NACC2: variants seen among roughly 807,000 people sequenced by gnomAD.
NACC2 encodes nucleus accumbens-associated protein 2.
A neutral mutation model predicts 25.1 loss-of-function variants in NACC2; 8 were observed. The ratio of observed to expected loss-of-function variants is 0.32; its 90% CI spans 0.19 to 0.57. The LOEUF (loss-of-function observed/expected upper bound fraction) is 0.57, where lower values mean the gene tolerates loss of function less well. Ranked by LOEUF, NACC2 falls within the 20% of genes least tolerant of loss-of-function variation. The probability of loss-of-function intolerance (pLI) is 0.89; values close to 1 mark genes in which losing one functional copy is unlikely to be tolerated. For missense variants in NACC2, 644 were observed against 650.2 expected, an observed-to-expected ratio of 0.99 and a Z score of 0.10; for synonymous variants, 435 against 294.7, an observed-to-expected ratio of 1.48 and a Z score of -4.88.
intron 2 of NACC2, among the ~76,000 whole-genome samples, chr9:136,041,055 G>GAA (rs1366404761): frequency 6.7e-6 from 1 of 149,344 alleles, no homozygotes; most frequent in African/African-American, 2.5e-5. Context: ...AGGAAGGAAG[G>GAA]AAGGAAAGGA....
chr9:136,061,871 G>C (rs1841015144), intron 1 of NACC2, among the ~76,000 whole-genome samples: 1 of 152,158 alleles, frequency 6.6e-6, no homozygotes, highest in Non-Finnish European at 1.5e-5. Context: ...TGTAATCCCA[G>C]CACTTTGGGA....
At chr9:136,042,683 TACACACACAGAC>T (rs1279837762) in intron 2 of NACC2, among the ~76,000 whole-genome samples, 82 of 127,342 alleles carry the variant, frequency 6.4e-4, no homozygotes, top group Admixed American at 1.7e-3. Context: ...CACACAGACA[TACACACACAGAC>T]ACACACACAG....
chr9:136,087,720 A>G (rs374009705), intron 1 of NACC2, among the ~76,000 whole-genome samples: 53 of 152,104 alleles, frequency 3.5e-4, no homozygotes, highest in Middle Eastern at 6.8e-3. Flanking sequence ...GCACGGGGGG[A>G]AATGAGGCTC....
At chr9:136,088,314 G>C (rs909951449) in intron 1 of NACC2, among the ~76,000 whole-genome samples, 5 of 152,154 alleles carry the variant, frequency 3.3e-5, no homozygotes, top group African/African-American at 1.2e-4. Flanking sequence ...GGGACACACT[G>C]TACTCAGCAG....
intron 2 of NACC2, among the ~76,000 whole-genome samples, chr9:136,027,011 C>T (rs972051227): frequency 8.5e-5 from 13 of 152,122 alleles, no homozygotes; most frequent in Non-Finnish European, 1.9e-4. Context: ...GGGGGATCAC[C>T]CAAGGTCAGG....
In NACC2 at chr9:136,013,086, G is replaced by A. The variant is rs765946822; in HGVS notation, c.1255+113C>T. 78 of 813,412 alleles carry A rather than the reference G, an allele frequency of 9.6e-5. No individual in the cohort carries two copies. The Middle Eastern group carries it at 2.1e-3, about 22-fold the overall frequency. The allele number at this position is 813,412 out of a possible 1,614,324, so 50.4% of individuals were successfully genotyped here. ...CAATCAGACCATGCTCGGCCCCCAG[G>A]GACGGAAGCTGCAGGTGGCCGGGAG... On this transcript the variant is annotated intron_variant, in intron 5 of 5. Coordinates refer to ENST00000277554, the MANE Select transcript of NACC2 (RefSeq NM_144653.5). The surrounding 1 kb of genome is among the most constrained non-coding windows in gnomAD (Gnocchi z 6.6).
At position 136,049,644 on chromosome 9, in the gene NACC2, C is replaced by G; in HGVS notation, c.878G>C (p.Ser293Thr). The part of the protein sequence containing the change: ...YGQMYIKASG[S>T]YAVQEKPEPV... Reference sequence around the variant, plus strand: ...CCACCCCGCCGCGTTACCTGCATAGCTGCCGGAGGCCTTGATGTACATCTG... The same window carrying G: ...CCACCCCGCCGCGTTACCTGCATAGGTGCCGGAGGCCTTGATGTACATCTG... The change falls in exon 2 of 6, where the codon AGC becomes ACC. Residue 293 changes from serine (S) to threonine (T), a missense_variant. Transcript: ENST00000277554. 2 of 776,962 alleles carry G rather than the reference C, an allele frequency of 2.6e-6. No individual in the cohort carries two copies. Among genetic ancestry groups the G allele is most frequent in the South Asian group, 2.7e-5 (2 of 74,524 alleles). 48.1% of individuals were successfully genotyped at this position (776,962 alleles called of 1,614,324 possible).
At chr9:136,015,451 G>A (rs1840185436) in intron 3 of NACC2, among the ~76,000 whole-genome samples, 1 of 152,244 alleles carries the variant, frequency 6.6e-6, no homozygotes, top group Non-Finnish European at 1.5e-5. Context: ...CTCCCATGAG[G>A]ACCGAAGTCC....
At chr9:136,017,811 TCAA>T (rs1840225110) in intron 2 of NACC2, among the ~76,000 whole-genome samples, 1 of 43,572 alleles carries the variant, frequency 2.3e-5, no homozygotes, top group African/African-American at 1.5e-4. Flanking sequence ...CACTAGGGAA[TCAA>T]TCCCACTGCC....
intron 1 of NACC2, among the ~76,000 whole-genome samples, chr9:136,068,919 C>CTTT (rs35009638): frequency 0.29 from 42,241 of 144,514 alleles, 7,160 homozygotes; most frequent in Middle Eastern, 0.45. Flanking sequence ...TGAAAGAATA[C>CTTT]TTTTTTTTTT....
chr9:136,063,321 A>C (rs1227988242), intron 1 of NACC2, among the ~76,000 whole-genome samples: 1 of 152,184 alleles, frequency 6.6e-6, no homozygotes, highest in Non-Finnish European at 1.5e-5. Context: ...GATCCTGTGG[A>C]GATGCCTGCA....
chr9:136,066,313 CAAAT>C (rs1443777397), intron 1 of NACC2, among the ~76,000 whole-genome samples: 5 of 151,740 alleles, frequency 3.3e-5, no homozygotes, highest in African/African-American at 9.7e-5. Context: ...AATAAAAAGA[CAAAT>C]AACTCAATTT....
intron 1 of NACC2, among the ~76,000 whole-genome samples, chr9:136,066,072 A>T (rs188842335): frequency 1.6e-4 from 25 of 152,096 alleles, no homozygotes; most frequent in African/African-American, 6.0e-4. Flanking sequence ...GGGTGCCTGT[A>T]ACCCCAGCTA....
At chr9:136,081,551 G>A (rs1830325171) in intron 1 of NACC2, among the ~76,000 whole-genome samples, 1 of 152,388 alleles carries the variant, frequency 6.6e-6, no homozygotes, top group East Asian at 1.9e-4. Context: ...ATCAGTGGCT[G>A]TAATCACAGC....
At chr9:136,040,103 T>TG (rs2131153647) in intron 2 of NACC2, among the ~76,000 whole-genome samples, 1 of 152,252 alleles carries the variant, frequency 6.6e-6, no homozygotes, top group African/African-American at 2.4e-5. Context: ...CCCAGCACTT[T>TG]GGGAGGCTGA....
At chr9:136,075,733 G>T (rs1488723931) in intron 1 of NACC2, among the ~76,000 whole-genome samples, 1 of 152,226 alleles carries the variant, frequency 6.6e-6, no homozygotes, top group East Asian at 1.9e-4. Context: ...CTGCGCCCAG[G>T]GGAGGAGACC....
intron 2 of NACC2, among the ~76,000 whole-genome samples, chr9:136,027,149 C>T (rs533311280): frequency 3.3e-5 from 5 of 152,254 alleles, no homozygotes; most frequent in East Asian, 1.9e-4. Flanking sequence ...TGCTAGAACC[C>T]GGGAGGCGGA....
At chr9:136,039,825 T>TC (rs1305797515) in intron 2 of NACC2, among the ~76,000 whole-genome samples, 3 of 151,932 alleles carry the variant, frequency 2.0e-5, no homozygotes, top group African/African-American at 7.3e-5. Flanking sequence ...GCTGATATGT[T>TC]CCCCCCGAGA....
intron 2 of NACC2, among the ~76,000 whole-genome samples, chr9:136,017,198 G>A (rs998759510): frequency 3.3e-5 from 5 of 152,138 alleles, no homozygotes; most frequent in Non-Finnish European, 7.4e-5. Flanking sequence ...GCAGATGACG[G>A]CCAGGCGCCC....
Sources: gnomAD v4.1 joint callset for allele counts (sites outside exome capture counted in the v4.1 genomes callset) on GRCh38, gnomAD v4.1.1 for gene constraint, Gnocchi (gnomAD v3.1) non-coding constraint, MANE v1.5 for transcripts, NCBI Gene and HGNC (gene_info 2026-07-23, HGNC 2026-07-21) for gene names.